The following TIAM1 variants were observed in gnomAD, a reference collection of about 807,000 sequenced individuals.
TIAM1 encodes the protein TIAM Rac1 associated GEF 1.
Under a neutral mutation model 163.5 loss-of-function variants are expected in TIAM1, and 65 were observed. The observed-to-expected ratio is 0.40, with a 90% confidence interval of 0.33 to 0.49. The LOEUF (loss-of-function observed/expected upper bound fraction) is 0.49, where lower values mean the gene tolerates loss of function less well. Ranked by LOEUF, TIAM1 falls within the 20% of genes least tolerant of loss-of-function variation. The pLI, the probability that TIAM1 is intolerant of heterozygous loss-of-function variation, is 0.77. For synonymous variants in TIAM1, 833 were observed against 810.1 expected (o/e 1.03, Z -0.48); for missense variants, 1,789 against 2,044.7 (o/e 0.87, Z 2.41).
chr21:31,248,040 A>G (rs545453855), intron 5 of TIAM1, among the ~76,000 whole-genome samples: 7 of 152,302 alleles, frequency 4.6e-5, no homozygotes, highest in African/African-American at 1.2e-4. Context: ...GACAGAGCCT[A>G]AAGAAGCTGT....
At chr21:31,459,255 G>T (rs1438028091) in intron 2 of TIAM1, among the ~76,000 whole-genome samples, 1 of 152,094 alleles carries the variant, frequency 6.6e-6, no homozygotes, top group African/African-American at 2.4e-5. Context: ...AGGACTACAG[G>T]CACGTGCCAC....
At chr21:31,504,978 G>A (rs564868439) in intron 1 of TIAM1, among the ~76,000 whole-genome samples, 1 of 152,146 alleles carries the variant, frequency 6.6e-6, no homozygotes. Flanking sequence ...CAACAAATTT[G>A]TTATTAGCCT....
chr21:31,211,674 G>A (rs1291130862), intron 10 of TIAM1, among the ~76,000 whole-genome samples: 1 of 152,196 alleles, frequency 6.6e-6, no homozygotes, highest in Non-Finnish European at 1.5e-5. Flanking sequence ...TAGCAGATAA[G>A]CTGGACTCCA....
At chr21:31,154,682 G>A (rs936003822) in intron 16 of TIAM1, among the ~76,000 whole-genome samples, 12 of 152,104 alleles carry the variant, frequency 7.9e-5, no homozygotes, top group African/African-American at 2.4e-4. Flanking sequence ...CTGCCCACAC[G>A]GTAAGGACAA....
intron 2 of TIAM1, among the ~76,000 whole-genome samples, chr21:31,336,403 T>C (rs1318616903): frequency 6.6e-6 from 1 of 151,506 alleles, no homozygotes; most frequent in African/African-American, 2.4e-5. Context: ...ATCCATTCTA[T>C]GACTCAACTT....
At chr21:31,206,730 A>G (rs2086468308) in intron 11 of TIAM1, among the ~76,000 whole-genome samples, 1 of 152,222 alleles carries the variant, frequency 6.6e-6, no homozygotes, top group African/African-American at 2.4e-5. Flanking sequence ...AGCAAAACAC[A>G]ATGTAGATAT....
chr21:31,525,024 G>A (rs2047731402), intron 1 of TIAM1, among the ~76,000 whole-genome samples: 1 of 152,050 alleles, frequency 6.6e-6, no homozygotes, highest in African/African-American at 2.4e-5. Flanking sequence ...GGAAGGAAAA[G>A]GGGGAGCGAG....
At chr21:31,501,956 C>A (rs1455117289) in intron 1 of TIAM1, among the ~76,000 whole-genome samples, 2 of 152,138 alleles carry the variant, frequency 1.3e-5, no homozygotes, top group Non-Finnish European at 2.9e-5. Context: ...AAATGTGGGA[C>A]CAACGGGCTG....
chr21:31,310,097 G>T (rs953559059), intron 2 of TIAM1, among the ~76,000 whole-genome samples: 1 of 152,196 alleles, frequency 6.6e-6, no homozygotes, highest in Non-Finnish European at 1.5e-5. Context: ...TTTCACCTGG[G>T]AAGTAAGGAA....
At chr21:31,480,562 T>A (rs371466844) in intron 1 of TIAM1, among the ~76,000 whole-genome samples, 22 of 152,118 alleles carry the variant, frequency 1.4e-4, no homozygotes, top group Non-Finnish European at 2.8e-4. Flanking sequence ...AACCACCACA[T>A]TGCCGCATGC....
chr21:31,539,564 C>T lies in TIAM1; in HGVS notation c.-422+19363G>A, dbSNP rs995418297. ...ACAGGCGTGAGCCACCGCGCCCGGCCGGAATGGGCTAGTTATTCTGTACTA... is the reference window on the plus strand; with the variant it reads ...ACAGGCGTGAGCCACCGCGCCCGGCTGGAATGGGCTAGTTATTCTGTACTA... On this transcript the variant is annotated intron_variant, in intron 1 of 28. Coordinates refer to the TIAM1 transcript ENST00000286827. Among the ~76,000 whole-genome samples, 6 of 152,094 alleles carry T rather than the reference C, an allele frequency of 3.9e-5. No homozygotes were observed. The East Asian group carries it at 7.7e-4, about 20-fold the overall frequency.
intron 2 of TIAM1, among the ~76,000 whole-genome samples, chr21:31,361,627 A>C (rs937427236): frequency 6.6e-6 from 1 of 152,228 alleles, no homozygotes; most frequent in Non-Finnish European, 1.5e-5. Flanking sequence ...CCCTTCCCAA[A>C]TAAGAAAGCC....
chr21:31,448,403 G>C (rs1019080167), intron 2 of TIAM1, among the ~76,000 whole-genome samples: 5 of 152,088 alleles, frequency 3.3e-5, no homozygotes, highest in African/African-American at 9.7e-5. Flanking sequence ...CCAGGAGTTC[G>C]AGACCAGTCT....
chr21:31,183,936 T>A (rs1568985990), intron 14 of TIAM1, among the ~76,000 whole-genome samples: 1 of 147,330 alleles, frequency 6.8e-6, no homozygotes, highest in Non-Finnish European at 1.5e-5. Flanking sequence ...TGATCCAAAT[T>A]TTTTAAAATT....
chr21:31,388,121 T>C, intron 2 of TIAM1, among the ~76,000 whole-genome samples: 1 of 152,004 alleles, frequency 6.6e-6, no homozygotes, highest in East Asian at 1.9e-4. Flanking sequence ...AAGCTTCTTG[T>C]GCTGTCTGCA....
chr21:31,506,775 A>C (rs2047042279), intron 1 of TIAM1, among the ~76,000 whole-genome samples: 1 of 152,174 alleles, frequency 6.6e-6, no homozygotes, highest in Admixed American at 6.5e-5. Context: ...GAACTTAGCC[A>C]GGCATGGTGG....
At chr21:31,288,085 C>T (rs1054723779) in intron 2 of TIAM1, among the ~76,000 whole-genome samples, 1 of 151,938 alleles carries the variant, frequency 6.6e-6, no homozygotes, top group African/African-American at 2.4e-5. Flanking sequence ...ACAATAACAC[C>T]TTCCACTCTG....
At chr21:31,188,429 C>T (rs2085399015) in intron 13 of TIAM1, among the ~76,000 whole-genome samples, 1 of 152,124 alleles carries the variant, frequency 6.6e-6, no homozygotes, top group Admixed American at 6.5e-5. Context: ...TATTTATCTG[C>T]ATTTTAGTGG....
chr21:31,548,551 C>T (rs557560467), intron 1 of TIAM1, among the ~76,000 whole-genome samples: 1 of 140,992 alleles, frequency 7.1e-6, no homozygotes, highest in African/African-American at 2.8e-5. Flanking sequence ...TGCAATGGCA[C>T]AATCTCAGCT....
Sources: allele counts gnomAD v4.1 joint callset (sites outside exome capture counted in the v4.1 genomes callset), GRCh38; gene constraint gnomAD v4.1.1; transcripts MANE v1.5; gene names NCBI Gene and HGNC (gene_info 2026-07-23, HGNC 2026-07-21).